The following PTPRN2 variants were observed in gnomAD, a reference collection of about 807,000 sequenced individuals.
PTPRN2 encodes protein tyrosine phosphatase receptor type N2, also known as receptor-type tyrosine-protein phosphatase N2.
Under a neutral mutation model 118.8 loss-of-function variants are expected in PTPRN2, and 74 were observed. That is an observed-to-expected ratio of 0.62 (90% CI 0.52 to 0.76). The LOEUF is 0.76. Ranked by LOEUF, PTPRN2 falls within the 30% of genes least tolerant of loss-of-function variation. PTPRN2 has a pLI of 0.00. For missense variants in PTPRN2, 1,481 were observed against 1,394.4 expected, an observed-to-expected ratio of 1.06 and a Z score of -0.99; for synonymous variants, 641 against 608.0, an observed-to-expected ratio of 1.05 and a Z score of -0.80.
At chr7:158,330,623 A>G (rs1804173001) in intron 2 of PTPRN2, among the ~76,000 whole-genome samples, 1 of 91,230 alleles carries the variant, frequency 1.1e-5, no homozygotes, top group Non-Finnish European at 2.5e-5. Flanking sequence ...TCTCACCATA[A>G]GAGGTGACAT....
chr7:158,371,947 C>T (rs529419438), intron 2 of PTPRN2, among the ~76,000 whole-genome samples: 1 of 152,358 alleles, frequency 6.6e-6, no homozygotes, highest in South Asian at 2.1e-4. Flanking sequence ...GTAGCGCACT[C>T]AGCGTCCGTC....
intron 15 of PTPRN2, among the ~76,000 whole-genome samples, chr7:157,607,253 C>T (rs183377974): frequency 3.9e-5 from 6 of 152,372 alleles, no homozygotes; most frequent in Non-Finnish European, 8.8e-5. Context: ...TCCAGAAACC[C>T]AGTTTCACAG....
At chr7:158,028,201 A>T (rs1807416364) in intron 11 of PTPRN2, 1 of 152,232 alleles carries the variant, frequency 6.6e-6, no homozygotes, top group South Asian at 2.1e-4. Context: ...GGACATTTTC[A>T]TGGCTGAAAA....
intron 12 of PTPRN2, among the ~76,000 whole-genome samples, chr7:157,723,738 G>A (rs1799373016): frequency 6.6e-6 from 1 of 152,208 alleles, no homozygotes; most frequent in Non-Finnish European, 1.5e-5. Flanking sequence ...GATGGAGTCT[G>A]ATGAAAGGCA....
In PTPRN2 at chr7:157,861,865, C is replaced by T. The variant is rs188728619; in HGVS notation, c.1788+36808G>A. ...CGGATGCTTCGAGGACTCTGTGTGC[C>T]GGAGTCTGTCCTCCCCATCACAGGG... is the stretch of plus-strand genomic sequence containing the variant. On this transcript the variant is annotated intron_variant, in intron 12 of 22. Coordinates refer to ENST00000389418, the MANE Select transcript of PTPRN2 (RefSeq NM_002847.5). This position sits in a 1 kb window ranked among gnomAD's most constrained non-coding sequence, Gnocchi z 5.8. Among the ~76,000 whole-genome samples the T allele has an allele frequency of 4.7e-4, 71 of 151,604 alleles. No homozygotes were observed. Among genetic ancestry groups the T allele is most frequent in the African/African-American group, 1.6e-3 (65 of 41,282 alleles).
intron 12 of PTPRN2, among the ~76,000 whole-genome samples, chr7:157,800,442 T>C (rs1805194774): frequency 1.3e-5 from 2 of 152,182 alleles, no homozygotes; most frequent in Admixed American, 1.3e-4. Flanking sequence ...CAACAGTGTC[T>C]GGCCCCTCAA....
At chr7:158,313,104 G>C (rs1303456065) in intron 3 of PTPRN2, among the ~76,000 whole-genome samples, 1 of 152,056 alleles carries the variant, frequency 6.6e-6, no homozygotes, top group African/African-American at 2.4e-5. Flanking sequence ...GTATGAGTGT[G>C]CAAGTGTGTG....
intron 12 of PTPRN2, among the ~76,000 whole-genome samples, chr7:157,844,008 C>A (rs1170720530): frequency 1.3e-5 from 2 of 152,190 alleles, no homozygotes; most frequent in Non-Finnish European, 2.9e-5. Flanking sequence ...AAGACTCTGA[C>A]CCCCTGCACG....
chr7:157,839,565 TTGTG>T lies in PTPRN2; in HGVS notation c.1788+59104_1788+59107del, dbSNP rs1808220548. 1.1e-4 allele frequency among the ~76,000 whole-genome samples: 16 copies of T among 151,586 alleles called. No homozygotes were observed. The South Asian group carries it at 3.3e-3, about 32-fold the overall frequency. ...TGTGTGTCTGTGTGTGTGTGAGAGATTGTGTGTGTGACTGTGTGAGCATGTGGCT... is the reference window on the plus strand; with the variant it reads ...TGTGTGTCTGTGTGTGTGTGAGAGATTGTGTGACTGTGTGAGCATGTGGCT... On this transcript the variant is annotated intron_variant, in intron 12 of 22. Coordinates refer to ENST00000389418, the MANE Select transcript of PTPRN2 (RefSeq NM_002847.5).
Position 157,831,636 on chromosome 7 carries a change from C to T in PTPRN2, c.1788+67037G>A, listed in dbSNP as rs1807576603. Among the ~76,000 whole-genome samples, 1 of 151,998 alleles carries T rather than the reference C, an allele frequency of 6.6e-6. No individual in the cohort carries two copies. Among genetic ancestry groups the T allele is most frequent in the Admixed American group, 6.5e-5 (1 of 15,274 alleles). ...CCACCTGTCAGAACGAGCAGGAAGACATCCAACCCTTATTGGGAGTCTACA... is the reference window on the plus strand; with the variant it reads ...CCACCTGTCAGAACGAGCAGGAAGATATCCAACCCTTATTGGGAGTCTACA... On this transcript the variant is annotated intron_variant, in intron 12 of 22. Transcript: ENST00000389418. This position sits in a 1 kb window ranked among gnomAD's most constrained non-coding sequence, Gnocchi z 4.8.
intron 2 of PTPRN2, among the ~76,000 whole-genome samples, chr7:158,393,963 C>G (rs1258463943): frequency 6.6e-6 from 1 of 151,936 alleles, no homozygotes; most frequent in Non-Finnish European, 1.5e-5. Context: ...CATCTCTCAC[C>G]CCTTAAACTG....
intron 12 of PTPRN2, among the ~76,000 whole-genome samples, chr7:157,699,215 G>GAATTT (rs1797951951): frequency 6.6e-6 from 1 of 152,140 alleles, no homozygotes; most frequent in Admixed American, 6.5e-5. Flanking sequence ...TTTAAGAAAA[G>GAATTT]TGCCTATGTA....
intron 1 of PTPRN2, among the ~76,000 whole-genome samples, chr7:158,500,259 G>A (rs990973758): frequency 6.6e-6 from 1 of 152,182 alleles, no homozygotes; most frequent in Admixed American, 6.5e-5. Context: ...GATATGCCAC[G>A]TGAGACCTTA....
rs553496878 is a variant in PTPRN2, at chr7:158,244,848, TG to T, written c.278-39576del. ...TGTGAGTTGTGCACATGTGAGTGTA[TG>T]GGGGGCGTGTGTTATATAAAATATT... On this transcript the variant is annotated intron_variant, in intron 3 of 22. Coordinates refer to ENST00000389418, the MANE Select transcript of PTPRN2 (RefSeq NM_002847.5). Among the ~76,000 whole-genome samples, 411 of 152,062 alleles carry T rather than the reference TG, an allele frequency of 2.7e-3. 5 individuals are homozygous for T. Among genetic ancestry groups the T allele is most frequent in the African/African-American group, 9.5e-3 (393 of 41,438 alleles).
intron 3 of PTPRN2, among the ~76,000 whole-genome samples, chr7:158,265,718 T>C (rs1797827476): frequency 6.6e-6 from 1 of 152,156 alleles, no homozygotes; most frequent in South Asian, 2.1e-4. Flanking sequence ...AGCGTGGCAT[T>C]TGATGAGTAC....
rs907383070 is a variant in PTPRN2 at position 157,987,045 on chromosome 7, G to T, written c.1724-88308C>A. Among the ~76,000 whole-genome samples, 1 of 152,144 alleles carries T rather than the reference G, an allele frequency of 6.6e-6. No individual in the cohort carries two copies. The highest frequency in any genetic ancestry group is 1.5e-5 in the Non-Finnish European group (1 of 68,030). The stretch of plus-strand genomic sequence containing the variant: ...GGTTCATGCACTGGAGTAGCTGCCG[G>T]TACACATCTAGGGAGTGATGATCCC... On this transcript the variant is annotated intron_variant, in intron 11 of 22. Transcript: ENST00000389418. The surrounding 1 kb of genome is among the most constrained non-coding windows in gnomAD (Gnocchi z 4.3).
At chr7:158,333,354 G>C (rs1474326378) in intron 2 of PTPRN2, among the ~76,000 whole-genome samples, 4 of 138,792 alleles carry the variant, frequency 2.9e-5, no homozygotes, top group East Asian at 2.1e-4. Context: ...GACACCTGCA[G>C]ACGTCACTCA....
intron 6 of PTPRN2, among the ~76,000 whole-genome samples, chr7:158,146,373 C>A (rs1470831536): frequency 1.3e-5 from 2 of 152,162 alleles, no homozygotes; most frequent in Admixed American, 6.5e-5. Context: ...CCATTGATTG[C>A]ACCAACCTGT....
At chr7:158,572,288 C>T (rs1828083847) in intron 1 of PTPRN2, among the ~76,000 whole-genome samples, 1 of 152,174 alleles carries the variant, frequency 6.6e-6, no homozygotes, top group South Asian at 2.1e-4. Flanking sequence ...ATATGAATTC[C>T]CCTCAAAATG....
Sources: allele counts gnomAD v4.1 joint callset (sites outside exome capture counted in the v4.1 genomes callset), GRCh38; gene constraint gnomAD v4.1.1; non-coding constraint Gnocchi (gnomAD v3.1); transcripts MANE v1.5; gene names NCBI Gene and HGNC (gene_info 2026-07-23, HGNC 2026-07-21).